Variants in STON2 observed in about 807,000 individuals in gnomAD.
STON2 encodes the protein stonin-2.
A neutral mutation model predicts 65.7 loss-of-function variants in STON2; 29 were observed. The ratio of observed to expected loss-of-function variants is 0.44; its 90% CI spans 0.33 to 0.60. The LOEUF is 0.60. Ranked by LOEUF, STON2 falls within the 20% of genes least tolerant of loss-of-function variation. STON2 has a pLI of 0.03. For missense variants in STON2, 1,054 were observed against 1,118.1 expected, an observed-to-expected ratio of 0.94 and a Z score of 0.82; for synonymous variants, 404 against 414.2, an observed-to-expected ratio of 0.98 and a Z score of 0.30.
At chr14:81,309,397 T>A (rs563906520) in intron 5 of STON2, among the ~76,000 whole-genome samples, 2 of 152,356 alleles carry the variant, frequency 1.3e-5, no homozygotes, top group Admixed American at 6.5e-5. Context: ...ATCTATTATA[T>A]CTTGAATGTA....
chr14:81,318,503 C>T (rs905774554), intron 5 of STON2, among the ~76,000 whole-genome samples: 1 of 152,200 alleles, frequency 6.6e-6, no homozygotes, highest in African/African-American at 2.4e-5. Flanking sequence ...TATTTCTTCA[C>T]TCTTCTCCAT....
rs558158090 is a variant in STON2, at chr14:81,431,655, G to A, written c.-309-4443C>T. Among the ~76,000 whole-genome samples the A allele has an allele frequency of 3.3e-5, 5 of 152,108 alleles. 1 individual carries two copies. The highest frequency in any genetic ancestry group is 9.6e-5 in the African/African-American group (4 of 41,488). Reference sequence around the variant, plus strand: ...TAGCCAGGCATAGTGGCGCATTCCTGTAATCCCAGCTACTAGGGAGGCTGA... The same window carrying A: ...TAGCCAGGCATAGTGGCGCATTCCTATAATCCCAGCTACTAGGGAGGCTGA... On this transcript the variant is annotated intron_variant, in intron 1 of 8. Transcript: ENST00000553821.
chr14:81,395,879 T>C lies in STON2; in HGVS notation c.373+15A>G, dbSNP rs1900288298. The stretch of plus-strand genomic sequence containing the variant: ...CTGACCACAAACCCAAGCCGGGCCC[T>C]TCCTACCTCCTCACCTGTCTCAGCT... On this transcript the variant is annotated intron_variant, in intron 3 of 7. Transcript: ENST00000614646. 6.2e-7 allele frequency: 1 copy of C among 1,613,524 alleles called. No homozygotes were observed.
intron 4 of STON2, among the ~76,000 whole-genome samples, chr14:81,347,101 A>AC (rs1200664854): frequency 4.6e-5 from 7 of 151,906 alleles, no homozygotes; most frequent in East Asian, 1.9e-4. Context: ...ACAAAACAAA[A>AC]TAAAAAAAAA....
intron 4 of STON2, among the ~76,000 whole-genome samples, chr14:81,352,444 T>C (rs1353861644): frequency 6.6e-6 from 1 of 152,190 alleles, no homozygotes; most frequent in African/African-American, 2.4e-5. Flanking sequence ...ATCATCCAAG[T>C]TGATGGACCC....
chr14:81,268,627 A>C, intron 7 of STON2, 130 bp from the exon 8 acceptor site: 1 of 1,235,540 alleles, frequency 8.1e-7, no homozygotes, highest in Non-Finnish European at 1.0e-6. Flanking sequence ...GGCGTTAGCC[A>C]CATTGGAGCT....
chr14:81,386,720 G>A (rs1899824994), intron 3 of STON2, among the ~76,000 whole-genome samples: 1 of 152,160 alleles, frequency 6.6e-6, no homozygotes, highest in South Asian at 2.1e-4. Flanking sequence ...AAATTACCAT[G>A]TCCCTGGAGG....
chr14:81,297,503 C>A (rs1335497849), intron 5 of STON2, among the ~76,000 whole-genome samples: 1 of 152,198 alleles, frequency 6.6e-6, no homozygotes, highest in Non-Finnish European at 1.5e-5. Context: ...ATTTCTGAGT[C>A]TGTTTCCTCA....
At chr14:81,379,465 C>T (rs900105069) in intron 3 of STON2, among the ~76,000 whole-genome samples, 2 of 152,070 alleles carry the variant, frequency 1.3e-5, no homozygotes, top group African/African-American at 4.8e-5. Flanking sequence ...AAAGATTTAA[C>T]GTTGTAAAGA....
At chr14:81,331,453 A>C (rs1247494583) in intron 4 of STON2, among the ~76,000 whole-genome samples, 4 of 152,216 alleles carry the variant, frequency 2.6e-5, no homozygotes, top group African/African-American at 7.2e-5. Flanking sequence ...CTGACGTGTC[A>C]GTGACTCCAG....
chr14:81,383,887 CAA>C (rs1236202107), intron 3 of STON2, among the ~76,000 whole-genome samples: 1 of 152,180 alleles, frequency 6.6e-6, no homozygotes, highest in African/African-American at 2.4e-5. Flanking sequence ...AATAAAAAAT[CAA>C]AGTCCTCAAC....
rs1894932006 is a variant in STON2, at chr14:81,278,020, T to C, written c.1462A>G (p.Met488Val). Residue 488 changes from methionine (M) to valine (V), a missense_variant, in exon 6 of 8, where the codon ATG becomes GTG. Coordinates refer to ENST00000614646, the MANE Select transcript of STON2 (RefSeq NM_001394390.1). ...TTTTTCTTCTCAGGGATCCTCAACATCATTGGCCACCCGTCACGAGGCTGG... is the reference window on the plus strand; with the variant it reads ...TTTTTCTTCTCAGGGATCCTCAACACCATTGGCCACCCGTCACGAGGCTGG... The part of the protein sequence containing the change: ...RSQPRDGWPM[M>V]LRIPEKKNIM... 1 of 1,614,010 alleles carries C rather than the reference T, an allele frequency of 6.2e-7. No individual in the cohort carries two copies. Among genetic ancestry groups the C allele is most frequent in the Non-Finnish European group, 8.5e-7 (1 of 1,180,022 alleles).
chr14:81,287,962 G>A (rs755820559), intron 5 of STON2, among the ~76,000 whole-genome samples: 3 of 152,156 alleles, frequency 2.0e-5, no homozygotes, highest in Non-Finnish European at 4.4e-5. Context: ...ACCTTGCTGT[G>A]GTCTGATACG....
At chr14:81,354,615 A>G (rs1029635592) in intron 4 of STON2, among the ~76,000 whole-genome samples, 8 of 152,256 alleles carry the variant, frequency 5.3e-5, no homozygotes, top group Non-Finnish European at 8.8e-5. Context: ...ATGGATAAAT[A>G]TGCAATAAAA....
chr14:81,296,883 T>C (rs1204110296), intron 5 of STON2, among the ~76,000 whole-genome samples: 1 of 152,218 alleles, frequency 6.6e-6, no homozygotes, highest in Non-Finnish European at 1.5e-5. Flanking sequence ...AACAATCCTA[T>C]CTAAAACTTT....
At position 81,263,589 on chromosome 14, in the gene STON2, T is replaced by G; in HGVS notation, c.*4825A>C. The G allele has an allele frequency of 3.9e-6, 1 of 255,110 alleles. No individual in the cohort carries two copies. The highest frequency in any genetic ancestry group is 6.1e-6 in the Non-Finnish European group (1 of 163,696). 15.8% of individuals were successfully genotyped at this position (255,110 alleles called of 1,614,324 possible). Reference sequence around the variant, plus strand: ...AAAAGAAAATGCTATTTTTTGGCCATGTTTTTAAAGCTCATCAGCTGTTGT... The same window carrying G: ...AAAAGAAAATGCTATTTTTTGGCCAGGTTTTTAAAGCTCATCAGCTGTTGT... On this transcript the variant is annotated 3_prime_UTR_variant, in exon 8 of 8. Coordinates refer to ENST00000614646, the MANE Select transcript of STON2 (RefSeq NM_001394390.1).
chr14:81,282,038 T>C (rs1257932858), intron 5 of STON2, among the ~76,000 whole-genome samples: 5 of 152,224 alleles, frequency 3.3e-5, no homozygotes, highest in Non-Finnish European at 5.9e-5. Flanking sequence ...TGAAATAATT[T>C]ATTTAAAGAA....
At chr14:81,432,248 T>C (rs1390305283) in intron 1 of STON2, among the ~76,000 whole-genome samples, 1 of 152,166 alleles carries the variant, frequency 6.6e-6, no homozygotes, top group African/African-American at 2.4e-5. Flanking sequence ...CCCAACATAT[T>C]TGCTCCTTTA....
upstream of STON2, among the ~76,000 whole-genome samples, chr14:81,402,586 G>C (rs1330117841): frequency 6.6e-6 from 1 of 152,118 alleles, no homozygotes; most frequent in Non-Finnish European, 1.5e-5. Flanking sequence ...CTCAGGAAGG[G>C]GGAGCAGGAA....
Sources: gnomAD v4.1 joint callset for allele counts (sites outside exome capture counted in the v4.1 genomes callset) on GRCh38, gnomAD v4.1.1 for gene constraint, MANE v1.5 for transcripts, NCBI Gene and HGNC (gene_info 2026-07-23, HGNC 2026-07-21) for gene names.